Variants in SEMA5B observed in about 807,000 individuals in gnomAD.
SEMA5B encodes the protein semaphorin 5B.
Under a neutral mutation model 135.0 loss-of-function variants are expected in SEMA5B, and 66 were observed. That is an observed-to-expected ratio of 0.49 (90% CI 0.40 to 0.60). The LOEUF (loss-of-function observed/expected upper bound fraction) is 0.60, where lower values mean the gene tolerates loss of function less well. Among genes scored for constraint, SEMA5B ranks in the 20% least tolerant of loss-of-function variants. SEMA5B has a pLI of 0.00. For synonymous variants in SEMA5B, 690 were observed against 639.5 expected (o/e 1.08, Z -1.19); for missense variants, 1,501 against 1,566.3 (o/e 0.96, Z 0.70).
At chr3:122,972,840 A>C (rs1941177893) in intron 1 of SEMA5B, among the ~76,000 whole-genome samples, 1 of 152,188 alleles carries the variant, frequency 6.6e-6, no homozygotes, top group South Asian at 2.1e-4. Flanking sequence ...AGAGGCCCTG[A>C]GAGCAGCTAC....
intron 5 of SEMA5B, among the ~76,000 whole-genome samples, chr3:122,933,978 G>T (rs1939118034): frequency 6.7e-6 from 1 of 149,768 alleles, no homozygotes; most frequent in African/African-American, 2.4e-5. Context: ...CATGATCTCT[G>T]CTCACTGCAA....
At chr3:122,939,532 AGCCTCCTGGCTTGG>A in intron 4 of SEMA5B, 62 bp from the exon 5 acceptor site, 2 of 1,388,712 alleles carry the variant, frequency 1.4e-6, no homozygotes, top group South Asian at 1.2e-5. Flanking sequence ...CCCAGGGAGC[AGCCTCCTGGCTTGG>A]GCCTCCTGGG....
intron 1 of SEMA5B, among the ~76,000 whole-genome samples, chr3:123,010,989 G>A (rs1379044489): frequency 6.6e-6 from 1 of 152,168 alleles, no homozygotes; most frequent in African/African-American, 2.4e-5. Context: ...GGACATTTCT[G>A]TGAAGATGGG....
chr3:122,968,887 G>A (rs1457930917), intron 1 of SEMA5B, among the ~76,000 whole-genome samples: 1 of 152,018 alleles, frequency 6.6e-6, no homozygotes, highest in Non-Finnish European at 1.5e-5. Flanking sequence ...TCTCTCTTTG[G>A]GGATCCCCTC....
chr3:122,951,272 A>G (rs1254822762), intron 2 of SEMA5B, among the ~76,000 whole-genome samples: 1 of 152,216 alleles, frequency 6.6e-6, no homozygotes, highest in Non-Finnish European at 1.5e-5. Context: ...GAACACATGT[A>G]TTTATATTTG....
chr3:122,934,253 A>G (rs550173206), intron 5 of SEMA5B, among the ~76,000 whole-genome samples: 1 of 152,100 alleles, frequency 6.6e-6, no homozygotes, highest in Non-Finnish European at 1.5e-5. Flanking sequence ...TGATTGTAAT[A>G]CCTAAAGAAT....
intron 1 of SEMA5B, among the ~76,000 whole-genome samples, chr3:122,963,107 A>C (rs1485439219): frequency 2.6e-5 from 4 of 152,202 alleles, no homozygotes; most frequent in African/African-American, 9.6e-5. Context: ...AGCAGACAGC[A>C]CCAGGGGCTA....
At chr3:122,984,741 A>T (rs2107693788) in intron 1 of SEMA5B, among the ~76,000 whole-genome samples, 1 of 152,344 alleles carries the variant, frequency 6.6e-6, no homozygotes, top group South Asian at 2.1e-4. Flanking sequence ...TTTAAATTGA[A>T]AAAAAGTTCT....
chr3:122,935,324 AG>A (rs968971458), intron 5 of SEMA5B, among the ~76,000 whole-genome samples: 1 of 143,002 alleles, frequency 7.0e-6, no homozygotes, highest in Non-Finnish European at 1.5e-5. Context: ...CTGGGGGAGC[AG>A]GGGGTGGGAG....
chr3:123,000,161 T>C (rs954246200), intron 1 of SEMA5B, among the ~76,000 whole-genome samples: 1 of 152,120 alleles, frequency 6.6e-6, no homozygotes, highest in African/African-American at 2.4e-5. Context: ...TGAGCCAAGA[T>C]TGAGTCACTG....
chr3:122,979,183 A>AC (rs1241919059), intron 1 of SEMA5B, among the ~76,000 whole-genome samples: 3 of 152,184 alleles, frequency 2.0e-5, no homozygotes, highest in African/African-American at 7.2e-5. Flanking sequence ...AGAGAGGATG[A>AC]CCAGAGACAC....
chr3:122,914,246 G>A (rs561691335), intron 14 of SEMA5B, among the ~76,000 whole-genome samples: 2 of 152,314 alleles, frequency 1.3e-5, no homozygotes, highest in South Asian at 4.1e-4. Flanking sequence ...GACTAAGGAC[G>A]TAGAGGTAGG....
intron 1 of SEMA5B, among the ~76,000 whole-genome samples, chr3:123,005,727 A>G (rs373136283): frequency 7.9e-5 from 12 of 152,138 alleles, no homozygotes; most frequent in African/African-American, 2.9e-4. Flanking sequence ...TGAGGGGGTC[A>G]TTTGAGCTCT....
At chr3:122,955,751 A>G (rs1350208250) in intron 2 of SEMA5B, among the ~76,000 whole-genome samples, 1 of 152,246 alleles carries the variant, frequency 6.6e-6, no homozygotes, top group Non-Finnish European at 1.5e-5. Context: ...TGATACACCC[A>G]GAACTAAGTC....
chr3:123,018,457 T>A lies in SEMA5B; in HGVS notation c.-39+9007A>T, dbSNP rs1311862460. Among the ~76,000 whole-genome samples, 4 of 152,252 alleles carry A rather than the reference T, an allele frequency of 2.6e-5. No individual in the cohort carries two copies. The East Asian group carries it at 7.7e-4, about 29-fold the overall frequency. On this transcript the variant is annotated intron_variant, in intron 1 of 22. Coordinates refer to ENST00000357599, the MANE Select transcript of SEMA5B (RefSeq NM_001031702.4). Reference sequence around the variant, plus strand: ...CCTTTTGTGGCTAGGCTTCCCAACCTCCTCCTGACACCAGATGCCCTCCAC... The same window carrying A: ...CCTTTTGTGGCTAGGCTTCCCAACCACCTCCTGACACCAGATGCCCTCCAC...
At chr3:123,005,100 T>G (rs1201401100) in intron 1 of SEMA5B, among the ~76,000 whole-genome samples, 2 of 152,134 alleles carry the variant, frequency 1.3e-5, no homozygotes, top group Non-Finnish European at 2.9e-5. Context: ...TCACTCCTTC[T>G]AGGGATGAGC....
At chr3:122,916,348 C>T (rs1189550690) in intron 12 of SEMA5B, among the ~76,000 whole-genome samples, 1 of 152,174 alleles carries the variant, frequency 6.6e-6, no homozygotes, top group Non-Finnish European at 1.5e-5. Context: ...ATGGAAAAAG[C>T]CTTACAGATG....
intron 3 of SEMA5B, among the ~76,000 whole-genome samples, chr3:122,945,261 G>A (rs146984989): frequency 5.3e-5 from 8 of 152,290 alleles, no homozygotes; most frequent in Non-Finnish European, 1.2e-4. Context: ...GCCCCCAGCA[G>A]GTGATTATAG....
chr3:122,924,993 C>T (rs1938551589), intron 9 of SEMA5B, among the ~76,000 whole-genome samples: 1 of 152,208 alleles, frequency 6.6e-6, no homozygotes. Flanking sequence ...CCAGGACAGG[C>T]ACCTGCATGG....
Sources: allele counts gnomAD v4.1 joint callset (sites outside exome capture counted in the v4.1 genomes callset), GRCh38; gene constraint gnomAD v4.1.1; transcripts MANE v1.5; gene names NCBI Gene and HGNC (gene_info 2026-07-23, HGNC 2026-07-21).